NAV2: variants seen among roughly 807,000 people sequenced by gnomAD.
NAV2 encodes helicase, APC down-regulated 1.
NAV2 carries 54 observed loss-of-function variants against 223.2 expected under a neutral mutation model. That is an observed-to-expected ratio of 0.24 (90% CI 0.19 to 0.30). The LOEUF is 0.30. Ranked by LOEUF, NAV2 falls within the 10% of genes least tolerant of loss-of-function variation. NAV2 has a pLI of 1.00. For missense variants in NAV2, 2,806 were observed against 3,147.5 expected, an observed-to-expected ratio of 0.89 and a Z score of 2.60; for synonymous variants, 1,279 against 1,239.3, an observed-to-expected ratio of 1.03 and a Z score of -0.67.
intron 1 of NAV2, among the ~76,000 whole-genome samples, chr11:19,421,111 G>C (rs1850591736): frequency 6.6e-6 from 1 of 152,144 alleles, no homozygotes; most frequent in African/African-American, 2.4e-5. Context: ...TGGTGGAGGG[G>C]TCATAGTCGA....
intron 1 of NAV2, among the ~76,000 whole-genome samples, chr11:19,699,296 A>T (rs1429734855): frequency 1.3e-5 from 2 of 152,212 alleles, no homozygotes; most frequent in East Asian, 3.8e-4. Flanking sequence ...AAGAGGGGAA[A>T]ATATTACTTC....
At chr11:19,643,352 C>A (rs1190668986) in intron 1 of NAV2, among the ~76,000 whole-genome samples, 15 of 127,598 alleles carry the variant, frequency 1.2e-4, no homozygotes, top group African/African-American at 4.2e-4. Context: ...GTGTGATGTT[C>A]CCCTTCCTGT....
intron 1 of NAV2, among the ~76,000 whole-genome samples, chr11:19,404,678 G>A (rs1849821113): frequency 6.6e-6 from 1 of 152,082 alleles, no homozygotes; most frequent in African/African-American, 2.4e-5. Flanking sequence ...ATGCGCCTCT[G>A]TGCCTGCTCT....
intron 1 of NAV2, among the ~76,000 whole-genome samples, chr11:19,671,503 C>G (rs1386805076): frequency 6.6e-6 from 1 of 152,148 alleles, no homozygotes; most frequent in Non-Finnish European, 1.5e-5. Flanking sequence ...TGCTCCCTCC[C>G]CTGTTTCTCG....
intron 1 of NAV2, among the ~76,000 whole-genome samples, chr11:19,639,279 T>G (rs2047592491): frequency 6.6e-6 from 1 of 152,178 alleles, no homozygotes; most frequent in African/African-American, 2.4e-5. Flanking sequence ...ACAGATTCAC[T>G]ACTTTGAGGA....
chr11:19,463,049 C>G (rs1852221076), intron 1 of NAV2, among the ~76,000 whole-genome samples: 1 of 152,218 alleles, frequency 6.6e-6, no homozygotes, highest in Admixed American at 6.5e-5. Context: ...AGAGCTGGGT[C>G]AAATCCTGTG....
At chr11:19,586,075 G>A (rs529787448) in intron 1 of NAV2, among the ~76,000 whole-genome samples, 26 of 152,158 alleles carry the variant, frequency 1.7e-4, no homozygotes, top group East Asian at 7.7e-4. Flanking sequence ...GGCTTTATTC[G>A]TTTCTTCTTA....
intron 1 of NAV2, among the ~76,000 whole-genome samples, chr11:19,676,765 G>C (rs2048723185): frequency 6.6e-6 from 1 of 152,218 alleles, no homozygotes; most frequent in East Asian, 1.9e-4. Context: ...AGGCCACGAG[G>C]ATGCTGTGGT....
At chr11:20,082,649 G>C in intron 25 of NAV2, 1 of 1,565,250 alleles carries the variant, frequency 6.4e-7, no homozygotes, top group Non-Finnish European at 8.8e-7. Flanking sequence ...CCCATCCATT[G>C]ATATGACTAA....
chr11:19,753,762 A>G (rs1220615019), intron 1 of NAV2, among the ~76,000 whole-genome samples: 1 of 152,214 alleles, frequency 6.6e-6, no homozygotes, highest in African/African-American at 2.4e-5. Context: ...CTCTCCACTA[A>G]TAGGCAAATT....
intron 1 of NAV2, among the ~76,000 whole-genome samples, chr11:19,527,561 G>A (rs1025375489): frequency 6.6e-6 from 1 of 151,870 alleles, no homozygotes; most frequent in African/African-American, 2.4e-5. Context: ...CAGACATCAG[G>A]CTCTCCAGCC....
At chr11:19,626,854 C>T (rs2047185810) in intron 1 of NAV2, among the ~76,000 whole-genome samples, 1 of 152,094 alleles carries the variant, frequency 6.6e-6, no homozygotes, top group African/African-American at 2.4e-5. Context: ...CTGTGTGTCC[C>T]TAGGAAAGTG....
rs112341548 is a variant in NAV2, at chr11:19,412,873, G to A, written c.75+61846G>A. ...GCAAACTAACAAACAGAAAGGAATA[G>A]CATCAACATTAACAAAAAGGATGTC... On this transcript the variant is annotated intron_variant, in intron 1 of 37. Transcript: ENST00000360655. Among the ~76,000 whole-genome samples the A allele has an allele frequency of 6.1e-3, 926 of 152,274 alleles. 3 individuals carry two copies. Among genetic ancestry groups the A allele is most frequent in the African/African-American group, 0.021 (860 of 41,574 alleles).
At chr11:19,670,209 A>C (rs2048541015) in intron 1 of NAV2, among the ~76,000 whole-genome samples, 1 of 151,926 alleles carries the variant, frequency 6.6e-6, no homozygotes, top group Non-Finnish European at 1.5e-5. Flanking sequence ...AGTGACTCCC[A>C]CCCATCCATG....
intron 1 of NAV2, among the ~76,000 whole-genome samples, chr11:19,675,423 C>T (rs1383398233): frequency 6.6e-6 from 1 of 152,204 alleles, no homozygotes; most frequent in Non-Finnish European, 1.5e-5. Context: ...CACACGCATG[C>T]ATACACTCCC....
At chr11:19,970,555 T>G (rs895572321) in intron 10 of NAV2, among the ~76,000 whole-genome samples, 1 of 152,198 alleles carries the variant, frequency 6.6e-6, no homozygotes, top group Non-Finnish European at 1.5e-5. Context: ...GGCACAGTTA[T>G]AGGGACTGGG....
chr11:19,746,502 A>G (rs2053356902), intron 1 of NAV2, among the ~76,000 whole-genome samples: 1 of 152,160 alleles, frequency 6.6e-6, no homozygotes, highest in African/African-American at 2.4e-5. Context: ...TACACTTTTT[A>G]TTTATGGAGC....
intron 1 of NAV2, 93 bp downstream of exon 1, chr11:19,714,055 G>A (rs995909898): frequency 2.7e-6 from 4 of 1,484,972 alleles, no homozygotes; most frequent in Non-Finnish European, 3.7e-6. Flanking sequence ...ATGGGAGAAG[G>A]GTCTACCATG....
At chr11:19,656,515 C>T (rs760183903) in intron 1 of NAV2, among the ~76,000 whole-genome samples, 3 of 152,282 alleles carry the variant, frequency 2.0e-5, no homozygotes, top group Non-Finnish European at 2.9e-5. Flanking sequence ...AGATCATGCC[C>T]AGGCTTGAAG....
Sources: allele counts gnomAD v4.1 joint callset (sites outside exome capture counted in the v4.1 genomes callset), GRCh38; gene constraint gnomAD v4.1.1; transcripts MANE v1.5; gene names NCBI Gene and HGNC (gene_info 2026-07-23, HGNC 2026-07-21).